TBC1D22A: variants seen among roughly 807,000 people sequenced by gnomAD.
TBC1D22A encodes TBC1 domain family member 22A, also known as putative GTPase activator.
In TBC1D22A, 38 loss-of-function variants were observed where a neutral mutation model predicts 60.2. The ratio of observed to expected loss-of-function variants is 0.63; its 90% CI spans 0.49 to 0.83. The LOEUF (loss-of-function observed/expected upper bound fraction) is 0.83, where lower values mean the gene tolerates loss of function less well. Ranked by LOEUF, TBC1D22A falls within the 40% of genes least tolerant of loss-of-function variation. The probability of loss-of-function intolerance (pLI) is 0.00; values close to 1 mark genes in which losing one functional copy is unlikely to be tolerated. For missense variants in TBC1D22A, 628 were observed against 701.0 expected (o/e 0.90, Z 1.18); for synonymous variants, 302 against 281.7 (o/e 1.07, Z -0.72).
chr22:46,808,415 T>C (rs1229910133), intron 4 of TBC1D22A, among the ~76,000 whole-genome samples: 3 of 151,582 alleles, frequency 2.0e-5, no homozygotes, highest in Non-Finnish European at 4.4e-5. Context: ...AGGTGAAAAA[T>C]AAAAAAATAA....
intron 8 of TBC1D22A, among the ~76,000 whole-genome samples, chr22:46,958,107 G>C (rs6009070): frequency 0.22 from 33,291 of 152,080 alleles, 5,992 homozygotes; most frequent in African/African-American, 0.5. Context: ...CAGTTACAGT[G>C]TTGAGTGTGG....
intron 10 of TBC1D22A, among the ~76,000 whole-genome samples, chr22:46,999,956 C>T (rs186544697): frequency 9.2e-5 from 14 of 152,216 alleles, no homozygotes; most frequent in African/African-American, 3.1e-4. Flanking sequence ...ACCCGGGAGG[C>T]GGAGCTCGCA....
chr22:47,074,922 G>A (rs983254073), intron 11 of TBC1D22A, among the ~76,000 whole-genome samples: 1 of 152,148 alleles, frequency 6.6e-6, no homozygotes, highest in Non-Finnish European at 1.5e-5. Context: ...TGAACAAAGG[G>A]GTGTAATAGA....
At chr22:47,038,446 G>A (rs540973523) in intron 11 of TBC1D22A, among the ~76,000 whole-genome samples, 1 of 152,312 alleles carries the variant, frequency 6.6e-6, no homozygotes, top group African/African-American at 2.4e-5. Flanking sequence ...GGTGGGGAAG[G>A]CTGGGCATCA....
At chr22:46,984,364 CTCAAAAAAAAAAA>C (rs2074633129) in intron 9 of TBC1D22A, among the ~76,000 whole-genome samples, 1 of 28,464 alleles carries the variant, frequency 3.5e-5, no homozygotes, top group African/African-American at 9.5e-5. Flanking sequence ...CAGACTCCAT[CTCAAAAAAAAAAA>C]AAAAAAAAAA....
intron 8 of TBC1D22A, among the ~76,000 whole-genome samples, chr22:46,934,774 C>T (rs962449720): frequency 6.0e-5 from 9 of 150,250 alleles, no homozygotes; most frequent in East Asian, 5.8e-4. Context: ...AGCGTTGCCT[C>T]GAGTGTTGGT....
In TBC1D22A at chr22:46,974,281, G is replaced by A. The variant is rs761617985; in HGVS notation, c.1016-9G>A. On this transcript the variant is annotated splice_polypyrimidine_tract_variant and intron_variant, in intron 8 of 12. Transcript: ENST00000337137. ...TCTCCTTGTCTTTTGCATGCTCGGC[G>A]CCGCCCAGAGGCAGAGGAGGTGGAC... 41 of 1,582,016 alleles carry A rather than the reference G, an allele frequency of 2.6e-5. No homozygotes were observed. The highest frequency in any genetic ancestry group is 5.4e-5 in the Admixed American group (3 of 55,072).
intron 4 of TBC1D22A, among the ~76,000 whole-genome samples, chr22:46,867,389 T>A (rs887245419): frequency 1.6e-4 from 25 of 152,342 alleles, no homozygotes; most frequent in African/African-American, 6.0e-4. Flanking sequence ...GTGGTGACTT[T>A]GAAGGATTCT....
chr22:47,132,144 G>A (rs1282754203), intron 12 of TBC1D22A, among the ~76,000 whole-genome samples: 1 of 152,142 alleles, frequency 6.6e-6, no homozygotes, highest in African/African-American at 2.4e-5. Flanking sequence ...CCCAGCTTTA[G>A]GAGCCTACCT....
intron 1 of TBC1D22A, among the ~76,000 whole-genome samples, chr22:46,769,712 A>G (rs1044087222): frequency 2.0e-5 from 3 of 152,158 alleles, no homozygotes; most frequent in Admixed American, 6.5e-5. Context: ...CTGTGGTCCT[A>G]AGAGCCATGA....
At chr22:46,911,498 C>A (rs979353989) in intron 7 of TBC1D22A, among the ~76,000 whole-genome samples, 18 of 152,140 alleles carry the variant, frequency 1.2e-4, no homozygotes, top group African/African-American at 3.9e-4. Context: ...CGGTGGCCCG[C>A]GGGGTGTGGA....
At chr22:47,050,060 A>C (rs1225157395) in intron 11 of TBC1D22A, among the ~76,000 whole-genome samples, 5 of 151,200 alleles carry the variant, frequency 3.3e-5, no homozygotes. Flanking sequence ...GCTTGAGTGC[A>C]GTGGCTCGAT....
intron 4 of TBC1D22A, among the ~76,000 whole-genome samples, chr22:46,865,440 C>T (rs1365318055): frequency 6.6e-6 from 1 of 152,186 alleles, no homozygotes; most frequent in East Asian, 1.9e-4. Flanking sequence ...GGTTGAGCAT[C>T]CATAATCCAA....
At chr22:47,027,303 G>A (rs553921903) in intron 10 of TBC1D22A, among the ~76,000 whole-genome samples, 2 of 152,098 alleles carry the variant, frequency 1.3e-5, no homozygotes, top group Non-Finnish European at 2.9e-5. Context: ...AGAGACCTAT[G>A]TTTTGTTTTT....
At chr22:47,001,195 G>A (rs1195763755) in intron 10 of TBC1D22A, among the ~76,000 whole-genome samples, 1 of 151,972 alleles carries the variant, frequency 6.6e-6, no homozygotes, top group Non-Finnish European at 1.5e-5. Flanking sequence ...TTGAACCTCA[G>A]TTATGATGAT....
intron 8 of TBC1D22A, among the ~76,000 whole-genome samples, chr22:46,930,438 C>A (rs1187254199): frequency 6.6e-6 from 1 of 151,888 alleles, no homozygotes; most frequent in Non-Finnish European, 1.5e-5. Flanking sequence ...AAGAATTAAC[C>A]TGTTTTTTTT....
chr22:46,893,761 GCCTCCTCCTCTT>G (rs1022482479), intron 6 of TBC1D22A, among the ~76,000 whole-genome samples: 2 of 152,222 alleles, frequency 1.3e-5, no homozygotes, highest in African/African-American at 4.8e-5. Flanking sequence ...TGCTGCTTCT[GCCTCCTCCTCTT>G]CCTCCTCCTC....
At chr22:46,799,571 C>A (rs2084809738) in intron 4 of TBC1D22A, among the ~76,000 whole-genome samples, 1 of 152,202 alleles carries the variant, frequency 6.6e-6, no homozygotes, top group Non-Finnish European at 1.5e-5. Context: ...AATGTCCTTT[C>A]CCTCTTTTTT....
At chr22:47,147,395 TTGC>T (rs386822127) in intron 12 of TBC1D22A, among the ~76,000 whole-genome samples, 16,022 of 152,252 alleles carry the variant, frequency 0.11, 981 homozygotes, top group Non-Finnish European at 0.15. Flanking sequence ...TGGGTGTGTT[TTGC>T]TGACTTGACC....
Sources: gnomAD v4.1 joint callset for allele counts (sites outside exome capture counted in the v4.1 genomes callset) on GRCh38, gnomAD v4.1.1 for gene constraint, MANE v1.5 for transcripts, NCBI Gene and HGNC (gene_info 2026-07-23, HGNC 2026-07-21) for gene names.